Variants in FSTL4 observed in about 807,000 individuals in gnomAD.
FSTL4 encodes follistatin like 4, also known as follistatin-related protein 4.
FSTL4 carries 28 observed loss-of-function variants against 78.2 expected under a neutral mutation model. That is an observed-to-expected ratio of 0.36 (90% CI 0.27 to 0.49). The LOEUF (loss-of-function observed/expected upper bound fraction) is 0.49, where lower values mean the gene tolerates loss of function less well. Ranked by LOEUF, FSTL4 falls within the 20% of genes least tolerant of loss-of-function variation. FSTL4 has a pLI of 0.98. For synonymous variants in FSTL4, 422 were observed against 440.5 expected (o/e 0.96, Z 0.53); for missense variants, 922 against 1,084.9 (o/e 0.85, Z 2.11).
chr5:133,462,774 C>G (rs557817967), intron 3 of FSTL4, among the ~76,000 whole-genome samples: 1 of 152,312 alleles, frequency 6.6e-6, no homozygotes, highest in East Asian at 1.9e-4. Context: ...GCGCTTGATA[C>G]TGATGATGGT....
chr5:133,385,477 C>T (rs1755677678), intron 4 of FSTL4, among the ~76,000 whole-genome samples: 1 of 152,144 alleles, frequency 6.6e-6, no homozygotes, highest in African/African-American at 2.4e-5. Flanking sequence ...ATTCCTTTTC[C>T]AAGACTGCCA....
At chr5:133,447,941 T>C (rs1483357690) in intron 3 of FSTL4, among the ~76,000 whole-genome samples, 2 of 152,250 alleles carry the variant, frequency 1.3e-5, no homozygotes, top group African/African-American at 2.4e-5. Flanking sequence ...CCTTTTTTTT[T>C]TCTTTCTTGG....
chr5:133,768,032 T>C, the FSTL4 span, among the ~76,000 whole-genome samples: 1 of 152,174 alleles, frequency 6.6e-6, no homozygotes, highest in African/African-American at 2.4e-5. Flanking sequence ...AAAATATTTA[T>C]GCTGATGGAA....
At chr5:133,475,380 G>C (rs1010311448) in intron 3 of FSTL4, among the ~76,000 whole-genome samples, 1 of 152,196 alleles carries the variant, frequency 6.6e-6, no homozygotes. Flanking sequence ...CGTGGGAACG[G>C]GGAGGCCAGG....
At chr5:133,650,622 T>C in the FSTL4 span, among the ~76,000 whole-genome samples, 2 of 152,230 alleles carry the variant, frequency 1.3e-5, no homozygotes, top group Admixed American at 1.3e-4. Flanking sequence ...TTCTTGGCTC[T>C]TCATTCTGTT....
the FSTL4 span, among the ~76,000 whole-genome samples, chr5:133,839,087 T>C: frequency 3.3e-5 from 5 of 152,220 alleles, no homozygotes; most frequent in African/African-American, 1.2e-4. Flanking sequence ...CTGCCGTGAC[T>C]GTGTTCTAAT....
At chr5:133,493,163 C>T (rs1337694211) in intron 3 of FSTL4, among the ~76,000 whole-genome samples, 5 of 151,952 alleles carry the variant, frequency 3.3e-5, no homozygotes, top group Non-Finnish European at 5.9e-5. Context: ...TGTTTTATTA[C>T]GTGAAGATTC....
At chr5:133,257,187 A>G (rs1284600863) in intron 6 of FSTL4, among the ~76,000 whole-genome samples, 1 of 152,234 alleles carries the variant, frequency 6.6e-6, no homozygotes, top group Non-Finnish European at 1.5e-5. Context: ...TATACTGGCA[A>G]GAAAAACAGG....
At chr5:133,433,967 A>T (rs1188003328) in intron 3 of FSTL4, among the ~76,000 whole-genome samples, 1 of 152,134 alleles carries the variant, frequency 6.6e-6, no homozygotes, top group African/African-American at 2.4e-5. Context: ...GGAAAAGCTT[A>T]GGATTTTTTT....
chr5:133,330,665 T>TA (rs1259509205), intron 4 of FSTL4, among the ~76,000 whole-genome samples: 1 of 152,178 alleles, frequency 6.6e-6, no homozygotes, highest in Non-Finnish European at 1.5e-5. Flanking sequence ...GGATAGAACT[T>TA]AGATATATCC....
chr5:133,245,082 T>G (rs369357751), intron 7 of FSTL4, among the ~76,000 whole-genome samples: 46 of 147,854 alleles, frequency 3.1e-4, no homozygotes, highest in Middle Eastern at 3.5e-3. Context: ...ATCATGCCAC[T>G]GTGCTCCAGT....
At chr5:133,424,378 G>C (rs569289033) in intron 3 of FSTL4, among the ~76,000 whole-genome samples, 1 of 152,336 alleles carries the variant, frequency 6.6e-6, no homozygotes, top group African/African-American at 2.4e-5. Context: ...GAGCACTTGA[G>C]AGAGACACAA....
the FSTL4 span, among the ~76,000 whole-genome samples, chr5:133,651,452 G>A: frequency 6.6e-6 from 1 of 152,014 alleles, no homozygotes; most frequent in East Asian, 1.9e-4. Context: ...ATTATGAATG[G>A]GTGTTGGATT....
chr5:133,568,069 G>A (rs918821053), intron 2 of FSTL4, among the ~76,000 whole-genome samples: 1 of 152,194 alleles, frequency 6.6e-6, no homozygotes, highest in Non-Finnish European at 1.5e-5. Context: ...AAATGGGGGA[G>A]GGAGGGTGGA....
chr5:133,796,287 G>A, the FSTL4 span, among the ~76,000 whole-genome samples: 123,095 of 152,110 alleles, frequency 0.81, 51,074 homozygotes, highest in Middle Eastern at 0.94. Context: ...GCCCAGGTGG[G>A]CTTGTGTTAC....
At chr5:133,222,842 C>T (rs1448103417) in intron 11 of FSTL4, among the ~76,000 whole-genome samples, 1 of 152,200 alleles carries the variant, frequency 6.6e-6, no homozygotes, top group Non-Finnish European at 1.5e-5. Flanking sequence ...TTGTGTGTCC[C>T]CTGAGGCCTA....
the FSTL4 span, among the ~76,000 whole-genome samples, chr5:133,777,329 T>A: frequency 6.6e-6 from 1 of 152,128 alleles, no homozygotes; most frequent in African/African-American, 2.4e-5. Flanking sequence ...GTAAAATGCA[T>A]AAGGAAAAAA....
Position 133,199,740 on chromosome 5 carries a change from T to C in FSTL4, c.1884A>G (p.Thr628=), listed in dbSNP as rs745746121. Residue 628 remains threonine, a synonymous_variant, in exon 16 of 16, where the codon ACA becomes ACG. Coordinates refer to ENST00000265342, the MANE Select transcript of FSTL4 (RefSeq NM_015082.2). This position sits in a 1 kb window ranked among gnomAD's most constrained non-coding sequence, Gnocchi z 4.4. ...GGCCGATGGTCTTGAGGGGCATCAT[T>C]GTTTCCAGGTCCACCTTGTGGACTG... ...DPAVHKVDLE[T]MMPLKTIGLH... The C allele has an allele frequency of 1.6e-5, 25 of 1,599,834 alleles. No homozygotes were observed. Among genetic ancestry groups the C allele is most frequent in the Non-Finnish European group, 2.0e-5 (24 of 1,172,856 alleles).
At chr5:133,632,659 T>C in the FSTL4 span, among the ~76,000 whole-genome samples, 12 of 151,842 alleles carry the variant, frequency 7.9e-5, no homozygotes, top group African/African-American at 2.9e-4. Context: ...CTGGCCTCCA[T>C]AGTTTTGTGT....
Sources: allele counts gnomAD v4.1 joint callset (sites outside exome capture counted in the v4.1 genomes callset), GRCh38; gene constraint gnomAD v4.1.1; non-coding constraint Gnocchi (gnomAD v3.1); transcripts MANE v1.5; gene names NCBI Gene and HGNC (gene_info 2026-07-23, HGNC 2026-07-21).